TOGARAM2: variants seen among roughly 807,000 people sequenced by gnomAD.
TOGARAM2 encodes TOG array regulator of axonemal microtubules 2.
In TOGARAM2, 85 loss-of-function variants were observed where a neutral mutation model predicts 93.3. That is an observed-to-expected ratio of 0.91 (90% CI 0.76 to 1.09). The LOEUF (loss-of-function observed/expected upper bound fraction) is 1.09. Among genes scored for constraint, TOGARAM2 ranks in the 50% least tolerant of loss-of-function variants. The pLI, the probability that TOGARAM2 is intolerant of heterozygous loss-of-function variation, is 0.00. For missense variants in TOGARAM2, 1,277 were observed against 1,334.5 expected, an observed-to-expected ratio of 0.96 and a Z score of 0.67; for synonymous variants, 593 against 552.8, an observed-to-expected ratio of 1.07 and a Z score of -1.02.
In TOGARAM2 at chr2:28,994,751, T is replaced by C. The variant is rs1672909781; in HGVS notation, c.-84T>C. ...TCCCGGATGTTACAGGTCAGAGCCC[T>C]CCAGACCCCCAAGGACTGTACTCAC... On this transcript the variant is annotated 5_prime_UTR_variant, in exon 2 of 20. Transcript: ENST00000379558. The C allele has an allele frequency of 6.9e-7, 1 of 1,447,098 alleles. No individual in the cohort carries two copies. Among genetic ancestry groups the C allele is most frequent in the African/African-American group, 1.4e-5 (1 of 71,042 alleles). The allele number at this position is 1,447,098 out of a possible 1,614,324, so 89.6% of individuals were successfully genotyped here.
intron 16 of TOGARAM2, among the ~76,000 whole-genome samples, chr2:29,033,910 G>A (rs781729758): frequency 5.3e-5 from 8 of 152,116 alleles, no homozygotes; most frequent in Non-Finnish European, 7.4e-5. Flanking sequence ...CACCAGAGTG[G>A]CCAGCCTGGG....
chr2:29,001,989 C>T (rs578235544), intron 4 of TOGARAM2, among the ~76,000 whole-genome samples: 7 of 152,160 alleles, frequency 4.6e-5, no homozygotes, highest in African/African-American at 1.2e-4. Flanking sequence ...GGGCACAGGG[C>T]GCTGAAGATG....
At chr2:29,012,507 G>A (rs1274827379) in intron 7 of TOGARAM2, among the ~76,000 whole-genome samples, 1 of 152,142 alleles carries the variant, frequency 6.6e-6, no homozygotes, top group Non-Finnish European at 1.5e-5. Flanking sequence ...GAGCTAACCC[G>A]GAGGACGCTG....
intron 8 of TOGARAM2, among the ~76,000 whole-genome samples, chr2:29,015,469 T>C (rs1402791063): frequency 6.6e-6 from 1 of 152,248 alleles, no homozygotes; most frequent in African/African-American, 2.4e-5. Context: ...ATCAACAATA[T>C]TCTCCTTGAA....
Position 29,052,187 on chromosome 2 carries a change from G to T in TOGARAM2, c.*94G>T. ...CCCCCTTAGAGTTCCAGATGTACATGGTATATTTTGAAGTAGAAATAAAAG... is the reference window on the plus strand; with the variant it reads ...CCCCCTTAGAGTTCCAGATGTACATTGTATATTTTGAAGTAGAAATAAAAG... On this transcript the variant is annotated 3_prime_UTR_variant, in exon 20 of 20. Transcript: ENST00000379558. 3.1e-6 allele frequency: 3 copies of T among 960,384 alleles called. No individual in the cohort carries two copies. Among genetic ancestry groups the T allele is most frequent in the Non-Finnish European group, 2.9e-6 (2 of 688,010 alleles). 59.5% of individuals were successfully genotyped at this position (960,384 alleles called of 1,614,324 possible).
intron 6 of TOGARAM2, among the ~76,000 whole-genome samples, chr2:29,009,779 C>T (rs1264974409): frequency 6.6e-6 from 1 of 152,006 alleles, no homozygotes; most frequent in Non-Finnish European, 1.5e-5. Flanking sequence ...GCTGCTCCTG[C>T]TCCACCCACC....
At chr2:28,990,162 C>T (rs2148255911) in intron 1 of TOGARAM2, among the ~76,000 whole-genome samples, 1 of 152,320 alleles carries the variant, frequency 6.6e-6, no homozygotes, top group South Asian at 2.1e-4. Context: ...GCACGAGATA[C>T]AGGAAGGCAT....
chr2:29,029,754 TAAA>T (rs764355917), intron 14 of TOGARAM2, among the ~76,000 whole-genome samples: 1 of 127,118 alleles, frequency 7.9e-6, no homozygotes. Context: ...AGGCTCTGTC[TAAA>T]AAAAAAAAAA....
At position 28,983,263 on chromosome 2, in the gene TOGARAM2, C is replaced by A. The variant is rs1382720691; in HGVS notation, c.-111+1725C>A. On this transcript the variant is annotated intron_variant, in intron 1 of 19. Coordinates refer to ENST00000379558, the MANE Select transcript of TOGARAM2 (RefSeq NM_199280.4). Reference sequence around the variant, plus strand: ...TTTTTTCCATGTTGCTCAGCCTGGTCTCGAATTCCTGGCTCAGGTGATATG... The same window carrying A: ...TTTTTTCCATGTTGCTCAGCCTGGTATCGAATTCCTGGCTCAGGTGATATG... Among the ~76,000 whole-genome samples the A allele has an allele frequency of 5.0e-5, 5 of 99,102 alleles. No individual in the cohort carries two copies. The Admixed American group carries it at 5.8e-4, about 12-fold the overall frequency. The allele number at this position is 99,102 out of a possible 152,430, so 65.0% of individuals were successfully genotyped here. A position where few individuals can be genotyped will look rare whatever the true frequency, so the allele number is the denominator to read the frequency against.
At position 29,005,780 on chromosome 2, in the gene TOGARAM2, ATCTG is replaced by A. The variant is rs747052830; in HGVS notation, c.830+2100_830+2103del. Among the ~76,000 whole-genome samples the A allele has an allele frequency of 6.2e-3, 254 of 41,006 alleles. 35 individuals carry two copies. Among genetic ancestry groups the A allele is most frequent in the Admixed American group, 0.016 (58 of 3,632 alleles). The allele number at this position is 41,006 out of a possible 152,430, so 26.9% of individuals were successfully genotyped here. A position where few individuals can be genotyped will look rare whatever the true frequency, so the allele number is the denominator to read the frequency against. On this transcript the variant is annotated intron_variant, in intron 6 of 19. Transcript: ENST00000379558. ...GTGTGTGTGAGTACATGTGTGGAGT[ATCTG>A]TGTGTGCATGTGTATGAGTGCATGT...
chr2:28,960,331 C>T (rs927904332), intron 1 of TOGARAM2, among the ~76,000 whole-genome samples: 4 of 152,082 alleles, frequency 2.6e-5, no homozygotes, highest in African/African-American at 4.8e-5. Flanking sequence ...AGCTCCAAAC[C>T]GTAATCCCCT....
chr2:29,001,632 C>T (rs1673303668), intron 4 of TOGARAM2, among the ~76,000 whole-genome samples: 1 of 152,116 alleles, frequency 6.6e-6, no homozygotes, highest in Non-Finnish European at 1.5e-5. Context: ...TCCCCGGTAG[C>T]TGGGACTACA....
chr2:28,997,781 G>A (rs1302071115), intron 2 of TOGARAM2, among the ~76,000 whole-genome samples: 2 of 152,232 alleles, frequency 1.3e-5, no homozygotes, highest in East Asian at 3.8e-4. Flanking sequence ...CTGGTGGACA[G>A]AGGTTGGGGA....
chr2:29,020,165 C>A (rs1036235909), intron 10 of TOGARAM2, among the ~76,000 whole-genome samples: 1 of 151,902 alleles, frequency 6.6e-6, no homozygotes, highest in Non-Finnish European at 1.5e-5. Context: ...GGGGCTCTAG[C>A]GGTGGGAAGA....
At chr2:29,012,108 G>A (rs1426756113) in intron 7 of TOGARAM2, among the ~76,000 whole-genome samples, 4 of 152,204 alleles carry the variant, frequency 2.6e-5, no homozygotes, top group Non-Finnish European at 5.9e-5. Context: ...TAAAGAGGGA[G>A]GAGGGATCCT....
chr2:29,029,754 T>TGAAAAAAA (rs1553344847), intron 14 of TOGARAM2, among the ~76,000 whole-genome samples: 1 of 127,124 alleles, frequency 7.9e-6, no homozygotes, highest in Non-Finnish European at 1.7e-5. Flanking sequence ...AGGCTCTGTC[T>TGAAAAAAA]AAAAAAAAAA....
intron 1 of TOGARAM2, among the ~76,000 whole-genome samples, chr2:28,993,152 G>A (rs769103486): frequency 6.6e-6 from 1 of 152,110 alleles, no homozygotes; most frequent in Non-Finnish European, 1.5e-5. Flanking sequence ...GAGGTGGGGC[G>A]TGGAAATCTG....
At chr2:28,968,449 G>A (rs1671897490) in intron 1 of TOGARAM2, among the ~76,000 whole-genome samples, 1 of 151,860 alleles carries the variant, frequency 6.6e-6, no homozygotes, top group Admixed American at 6.6e-5. Flanking sequence ...CCCCGCAGCG[G>A]AGGTTGTCCA....
At chr2:29,037,319 C>G (rs746736552) in intron 18 of TOGARAM2, among the ~76,000 whole-genome samples, 1 of 152,080 alleles carries the variant, frequency 6.6e-6, no homozygotes, top group African/African-American at 2.4e-5. Context: ...GTACCCAGTA[C>G]GTGGACCAAA....
Sources: gnomAD v4.1 joint callset for allele counts (sites outside exome capture counted in the v4.1 genomes callset) on GRCh38, gnomAD v4.1.1 for gene constraint, MANE v1.5 for transcripts, NCBI Gene and HGNC (gene_info 2026-07-23, HGNC 2026-07-21) for gene names.